The following ADAMTS18 variants were observed in gnomAD, a reference collection of about 807,000 sequenced individuals.
ADAMTS18 encodes the protein ADAM metallopeptidase with thrombospondin type 1 motif 18, also known as A disintegrin and metalloproteinase with thrombospondin motifs 18.
A neutral mutation model predicts 165.9 loss-of-function variants in ADAMTS18; 157 were observed. The ratio of observed to expected loss-of-function variants is 0.95; its 90% CI spans 0.83 to 1.08. ADAMTS18 has a LOEUF of 1.08. Ranked by LOEUF, ADAMTS18 falls within the 50% of genes least tolerant of loss-of-function variation. The pLI is 0.00. For synonymous variants in ADAMTS18, 782 were observed against 578.2 expected, an observed-to-expected ratio of 1.35 and a Z score of -5.06; for missense variants, 2,040 against 1,534.0, an observed-to-expected ratio of 1.33 and a Z score of -5.51.
At chr16:77,406,558 G>A (rs936401367) in intron 3 of ADAMTS18, among the ~76,000 whole-genome samples, 1 of 151,968 alleles carries the variant, frequency 6.6e-6, no homozygotes, top group Non-Finnish European at 1.5e-5. Flanking sequence ...TTATTCATAG[G>A]AAACATGATT....
intron 9 of ADAMTS18, among the ~76,000 whole-genome samples, chr16:77,354,982 C>T (rs1188725362): frequency 2.0e-5 from 3 of 152,010 alleles, no homozygotes; most frequent in African/African-American, 2.4e-5. Context: ...TTTTTACCAC[C>T]CTTTGGGCAT....
chr16:77,335,057 A>G lies in ADAMTS18; in HGVS notation c.1859+699T>C, dbSNP rs867157664. ...TATTAATAGTAATTATATATAATGT[A>G]GTATAATAGTATTATTTGAATTAAT... is the stretch of plus-strand genomic sequence containing the variant. On this transcript the variant is annotated intron_variant, in intron 12 of 22. Transcript: ENST00000282849. Among the ~76,000 whole-genome samples, 22 of 146,710 alleles carry G rather than the reference A, an allele frequency of 1.5e-4. 1 individual carries two copies. The highest frequency in any genetic ancestry group is 1.4e-3 in the Admixed American group (20 of 14,460).
chr16:77,334,944 A>G (rs1235349727), intron 12 of ADAMTS18, among the ~76,000 whole-genome samples: 2 of 140,930 alleles, frequency 1.4e-5, no homozygotes, highest in Non-Finnish European at 3.0e-5. Flanking sequence ...TGTATTTTAT[A>G]GTATATAGTA....
At chr16:77,389,598 G>A (rs1008858093) in intron 3 of ADAMTS18, among the ~76,000 whole-genome samples, 2 of 152,158 alleles carry the variant, frequency 1.3e-5, no homozygotes, top group Non-Finnish European at 2.9e-5. Context: ...ACCTCTAGCT[G>A]CACCGACATC....
At chr16:77,334,853 A>G (rs899227568) in intron 12 of ADAMTS18, among the ~76,000 whole-genome samples, 2 of 130,814 alleles carry the variant, frequency 1.5e-5, no homozygotes, top group Non-Finnish European at 1.6e-5. Flanking sequence ...TATATATAAT[A>G]TACTATAATG....
chr16:77,318,261 C>G (rs1031501268), intron 16 of ADAMTS18, among the ~76,000 whole-genome samples: 2 of 152,160 alleles, frequency 1.3e-5, no homozygotes, highest in African/African-American at 4.8e-5. Context: ...AGCAAACTAT[C>G]TATTTCCCAC....
Position 77,294,828 on chromosome 16 carries a change from T to C in ADAMTS18, c.3006+95A>G, listed in dbSNP as rs548207084. ...GAACTCAGGGTGATTTCCATGAACA[T>C]GTAAACTGCCAAGAGCCCAGTGGAG... is the stretch of plus-strand genomic sequence containing the variant. On this transcript the variant is annotated intron_variant, in intron 19 of 22. Coordinates refer to ENST00000282849, the MANE Select transcript of ADAMTS18 (RefSeq NM_199355.4). 2.7e-4 allele frequency: 317 copies of C among 1,190,816 alleles called. 1 individual carries two copies. The highest frequency in any genetic ancestry group is 3.7e-4 in the Non-Finnish European group (299 of 818,894). 73.8% of individuals were successfully genotyped at this position (1,190,816 alleles called of 1,614,324 possible).
At chr16:77,433,402 TTC>T (rs759109084) in intron 2 of ADAMTS18, 11 of 152,210 alleles carry the variant, frequency 7.2e-5, no homozygotes, top group Non-Finnish European at 8.8e-5. Context: ...TTACATTCGG[TTC>T]TTGATGGAAG....
intron 16 of ADAMTS18, among the ~76,000 whole-genome samples, chr16:77,302,480 T>C (rs1160149404): frequency 6.6e-6 from 1 of 152,196 alleles, no homozygotes; most frequent in Non-Finnish European, 1.5e-5. Context: ...CAGAATGGTA[T>C]TGCAGTACAA....
intron 18 of ADAMTS18, among the ~76,000 whole-genome samples, chr16:77,295,620 A>G (rs1052024341): frequency 6.6e-6 from 1 of 152,208 alleles, no homozygotes; most frequent in African/African-American, 2.4e-5. Flanking sequence ...CATCAATGAG[A>G]GAGAAAGAGA....
At chr16:77,428,814 A>G (rs1359877073) in intron 3 of ADAMTS18, among the ~76,000 whole-genome samples, 3 of 152,152 alleles carry the variant, frequency 2.0e-5, no homozygotes, top group Non-Finnish European at 4.4e-5. Context: ...TCCTCCCCAA[A>G]TTGAAAATCC....
At chr16:77,329,492 A>G (rs1002549725) in intron 12 of ADAMTS18, among the ~76,000 whole-genome samples, 6 of 152,190 alleles carry the variant, frequency 3.9e-5, no homozygotes, top group African/African-American at 1.4e-4. Flanking sequence ...AAATAGGAAC[A>G]GTTGTGACAA....
intron 16 of ADAMTS18, among the ~76,000 whole-genome samples, chr16:77,311,405 T>C (rs567349704): frequency 6.6e-6 from 1 of 152,236 alleles, no homozygotes; most frequent in South Asian, 2.1e-4. Context: ...TTCATAGCTG[T>C]TGTATGGAAA....
intron 3 of ADAMTS18, among the ~76,000 whole-genome samples, chr16:77,403,855 G>A (rs1344624365): frequency 2.6e-5 from 4 of 152,180 alleles, no homozygotes; most frequent in African/African-American, 7.2e-5. Flanking sequence ...GGGACACGAT[G>A]CCATGCAAGT....
chr16:77,338,020 C>A (rs1243251751), intron 11 of ADAMTS18, among the ~76,000 whole-genome samples: 3 of 151,654 alleles, frequency 2.0e-5, no homozygotes, highest in Non-Finnish European at 4.4e-5. Context: ...TCTCCTGCCT[C>A]AGCCTTCCAA....
At chr16:77,327,182 G>C (rs889198624) in intron 12 of ADAMTS18, among the ~76,000 whole-genome samples, 1 of 152,120 alleles carries the variant, frequency 6.6e-6, no homozygotes, top group Non-Finnish European at 1.5e-5. Context: ...CTTTATGGTA[G>C]AACAATTTTT....
chr16:77,407,701 T>G (rs531266496), intron 3 of ADAMTS18, among the ~76,000 whole-genome samples: 1 of 152,246 alleles, frequency 6.6e-6, no homozygotes, highest in East Asian at 1.9e-4. Flanking sequence ...GTAGTGTCTT[T>G]CTGATAAAAT....
chr16:77,357,485 C>A (rs2056648675), intron 8 of ADAMTS18, among the ~76,000 whole-genome samples: 1 of 152,254 alleles, frequency 6.6e-6, no homozygotes, highest in Middle Eastern at 3.4e-3. Context: ...CTTTGGGAGA[C>A]ACCCTTTCTA....
chr16:77,317,795 C>T (rs1389014441), intron 16 of ADAMTS18, among the ~76,000 whole-genome samples: 1 of 152,152 alleles, frequency 6.6e-6, no homozygotes, highest in Non-Finnish European at 1.5e-5. Context: ...AGGTCATTAC[C>T]AATATCATGG....
Sources: gnomAD v4.1 joint callset for allele counts (sites outside exome capture counted in the v4.1 genomes callset) on GRCh38, gnomAD v4.1.1 for gene constraint, MANE v1.5 for transcripts, NCBI Gene and HGNC (gene_info 2026-07-23, HGNC 2026-07-21) for gene names.